Variants in IGF2BP3 observed in about 807,000 individuals in gnomAD.
IGF2BP3 encodes insulin-like growth factor 2 mRNA-binding protein 3.
In IGF2BP3, 9 loss-of-function variants were observed where a neutral mutation model predicts 73.8. The observed-to-expected ratio is 0.12, with a 90% CI of 0.07 to 0.21. IGF2BP3 has a LOEUF of 0.21. IGF2BP3 is among the 10% of genes least tolerant of loss of function. The pLI, the probability that IGF2BP3 is intolerant of heterozygous loss-of-function variation, is 1.00. For missense variants in IGF2BP3, 542 were observed against 714.0 expected (o/e 0.76, Z 2.75); for synonymous variants, 258 against 256.7 (o/e 1.01, Z -0.05).
At chr7:23,424,748 A>C (rs1474716568) in intron 2 of IGF2BP3, among the ~76,000 whole-genome samples, 1 of 152,132 alleles carries the variant, frequency 6.6e-6, no homozygotes, top group African/African-American at 2.4e-5. Context: ...AAAAAATCAA[A>C]ATTAAAATTA....
chr7:23,341,480 A>G (rs919403344), intron 10 of IGF2BP3, among the ~76,000 whole-genome samples: 1 of 152,200 alleles, frequency 6.6e-6, no homozygotes, highest in Non-Finnish European at 1.5e-5. Context: ...AGCCTGAACA[A>G]CATGGCGAAA....
chr7:23,362,638 A>G lies in IGF2BP3; in HGVS notation c.286-897T>C, dbSNP rs555558480. 5 of 152,368 alleles carry G rather than the reference A, an allele frequency of 3.3e-5. No homozygotes were observed. The East Asian group carries it at 9.6e-4, about 29-fold the overall frequency. The allele number at this position is 152,368 out of a possible 1,614,324, so 9.4% of individuals were successfully genotyped here. A position where few individuals can be genotyped will look rare whatever the true frequency, so the allele number is the denominator to read the frequency against. The stretch of plus-strand genomic sequence containing the variant: ...ATCAACTGCAGATGTACGTCTCATC[A>G]ATATAAACCAAATTCAGGTGTCCTT... On this transcript the variant is annotated intron_variant, in intron 3 of 14. Transcript: ENST00000258729.
intron 10 of IGF2BP3, among the ~76,000 whole-genome samples, chr7:23,321,831 C>T (rs772734662): frequency 6.6e-6 from 1 of 152,078 alleles, no homozygotes; most frequent in Non-Finnish European, 1.5e-5. Context: ...CTCACAGGGC[C>T]GGGTACTCCA....
intron 11 of IGF2BP3, among the ~76,000 whole-genome samples, chr7:23,318,555 A>C (rs1010308998): frequency 2.0e-5 from 3 of 152,260 alleles, no homozygotes; most frequent in African/African-American, 7.2e-5. Context: ...AAGGCATCAA[A>C]ATACAGAATC....
intron 5 of IGF2BP3, among the ~76,000 whole-genome samples, chr7:23,352,548 A>G (rs1784992307): frequency 6.6e-6 from 1 of 152,138 alleles, no homozygotes; most frequent in Non-Finnish European, 1.5e-5. Flanking sequence ...TTGGCCTCCC[A>G]AAGTGCTGGG....
intron 10 of IGF2BP3, among the ~76,000 whole-genome samples, chr7:23,341,076 C>G (rs1385108773): frequency 6.6e-6 from 1 of 152,062 alleles, no homozygotes; most frequent in Non-Finnish European, 1.5e-5. Context: ...TCTTGAACTC[C>G]TGACCTCGGG....
At chr7:23,355,248 GTC>G (rs1785065678) in intron 5 of IGF2BP3, among the ~76,000 whole-genome samples, 2 of 147,810 alleles carry the variant, frequency 1.4e-5, no homozygotes, top group African/African-American at 5.1e-5. Context: ...TTGAGACAGA[GTC>G]TCACTTTTTT....
chr7:23,363,203 C>G (rs1785276270), intron 3 of IGF2BP3, among the ~76,000 whole-genome samples: 1 of 152,190 alleles, frequency 6.6e-6, no homozygotes, highest in Non-Finnish European at 1.5e-5. Context: ...AGGCTTTTGT[C>G]TACTGTTTCC....
chr7:23,372,771 A>C (rs548979168), intron 3 of IGF2BP3, among the ~76,000 whole-genome samples: 8 of 152,304 alleles, frequency 5.3e-5, no homozygotes, highest in Non-Finnish European at 7.4e-5. Flanking sequence ...TCAGTCATGA[A>C]TCAGGGCTGC....
chr7:23,316,952 G>A (rs1784008315), intron 12 of IGF2BP3, among the ~76,000 whole-genome samples: 2 of 152,156 alleles, frequency 1.3e-5, no homozygotes, highest in Non-Finnish European at 2.9e-5. Context: ...AACTACCTTA[G>A]GATGTAGGTG....
intron 2 of IGF2BP3, among the ~76,000 whole-genome samples, chr7:23,440,269 C>CA (rs35841355): frequency 0.015 from 1,611 of 107,578 alleles, 13 homozygotes; most frequent in Middle Eastern, 0.045. Flanking sequence ...TTAGTTATTT[C>CA]AAAAAAAAAA....
intron 2 of IGF2BP3, among the ~76,000 whole-genome samples, chr7:23,447,804 T>A (rs963061496): frequency 6.6e-5 from 10 of 151,738 alleles, no homozygotes; most frequent in African/African-American, 2.4e-4. Flanking sequence ...AACAGTGAGA[T>A]CCTGTTTCTA....
intron 2 of IGF2BP3, among the ~76,000 whole-genome samples, chr7:23,452,033 C>T (rs1172984074): frequency 2.0e-5 from 3 of 146,454 alleles, no homozygotes; most frequent in Non-Finnish European, 3.0e-5. Flanking sequence ...GAGATGGAGT[C>T]TCCCGCTGTC....
At chr7:23,468,710 C>G (rs1028874031) in intron 1 of IGF2BP3, among the ~76,000 whole-genome samples, 168 bp from the exon 2 acceptor site, 2 of 152,202 alleles carry the variant, frequency 1.3e-5, no homozygotes, top group Non-Finnish European at 2.9e-5. Flanking sequence ...CCTCGAGCGG[C>G]GTGGGCATTT....
chr7:23,346,174 GTGT>G, intron 7 of IGF2BP3, 112 bp from the exon 8 acceptor site: 1 of 1,229,006 alleles, frequency 8.1e-7, no homozygotes, highest in Non-Finnish European at 1.1e-6. Flanking sequence ...GGGAAGCACT[GTGT>G]TAGGTACAGC....
At position 23,355,043 on chromosome 7, in the gene IGF2BP3, G is replaced by A. The variant is rs183403528; in HGVS notation, c.402-3457C>T. On this transcript the variant is annotated intron_variant, in intron 5 of 14. Transcript: ENST00000258729. ...TTGTTATTCATCTATGTCATATGGT[G>A]ATCTGCTGAGTTCACGAGGAAAAAA... is the stretch of plus-strand genomic sequence containing the variant. Among the ~76,000 whole-genome samples the A allele has an allele frequency of 5.3e-5, 8 of 152,178 alleles. No individual in the cohort carries two copies. In the East Asian group the frequency reaches 1.4e-3, roughly 26 times the overall value.
intron 2 of IGF2BP3, among the ~76,000 whole-genome samples, chr7:23,436,364 T>A (rs1335715168): frequency 6.6e-6 from 1 of 152,126 alleles, no homozygotes; most frequent in African/African-American, 2.4e-5. Context: ...TTGAAATAAT[T>A]TGGGGAGGTG....
chr7:23,334,356 G>C (rs1197964348), intron 10 of IGF2BP3, among the ~76,000 whole-genome samples: 3 of 152,018 alleles, frequency 2.0e-5, no homozygotes, highest in Non-Finnish European at 4.4e-5. Context: ...AAGAAATCGA[G>C]ACTAAAATAA....
intron 3 of IGF2BP3, 62 bp downstream of exon 3, chr7:23,418,713 GA>G (rs1787261708): frequency 2.7e-6 from 3 of 1,110,796 alleles, no homozygotes; most frequent in East Asian, 2.6e-5. Context: ...AAAAAGCTTT[GA>G]AAAAACTAAC....
Sources: gnomAD v4.1 joint callset for allele counts (sites outside exome capture counted in the v4.1 genomes callset) on GRCh38, gnomAD v4.1.1 for gene constraint, MANE v1.5 for transcripts, NCBI Gene and HGNC (gene_info 2026-07-23, HGNC 2026-07-21) for gene names.